FNIP1: variants seen among roughly 807,000 people sequenced by gnomAD.
FNIP1 encodes folliculin-interacting protein 1.
In FNIP1, 40 loss-of-function variants were observed where a neutral mutation model predicts 124.5. The ratio of observed to expected loss-of-function variants is 0.32; its 90% CI spans 0.25 to 0.42. FNIP1 has a LOEUF of 0.42. Among genes scored for constraint, FNIP1 ranks in the 10% least tolerant of loss-of-function variants. The probability of loss-of-function intolerance (pLI) is 1.00; values close to 1 mark genes in which losing one functional copy is unlikely to be tolerated. For missense variants in FNIP1, 1,176 were observed against 1,403.7 expected (o/e 0.84, Z 2.59); for synonymous variants, 472 against 470.6 (o/e 1.00, Z -0.04).
chr5:131,741,570 T>A (rs965171350), intron 2 of FNIP1, among the ~76,000 whole-genome samples: 2 of 152,212 alleles, frequency 1.3e-5, no homozygotes, highest in Non-Finnish European at 2.9e-5. Context: ...TGCTGTTATA[T>A]TCTTCATTGA....
At chr5:131,767,542 T>C (rs764658333) in intron 1 of FNIP1, among the ~76,000 whole-genome samples, 1 of 151,816 alleles carries the variant, frequency 6.6e-6, no homozygotes. Flanking sequence ...TTTGATCTTG[T>C]AAGCTGTGGA....
intron 1 of FNIP1, among the ~76,000 whole-genome samples, chr5:131,785,005 TGA>T (rs1772118832): frequency 3.6e-5 from 2 of 55,138 alleles, no homozygotes; most frequent in Non-Finnish European, 4.3e-5. Context: ...ATGATATATA[TGA>T]CTATATATAT....
intron 1 of FNIP1, among the ~76,000 whole-genome samples, chr5:131,770,666 G>C (rs918479689): frequency 6.6e-6 from 1 of 152,138 alleles, no homozygotes; most frequent in Admixed American, 6.5e-5. Flanking sequence ...TGTGATTGTA[G>C]AGAAGTGCCT....
chr5:131,678,006 G>A, intron 12 of FNIP1, 134 bp from the exon 13 acceptor site: 6 of 762,676 alleles, frequency 7.9e-6, no homozygotes, highest in South Asian at 4.7e-5. Flanking sequence ...AGAAGAGAGA[G>A]GAAAGGATGA....
At chr5:131,770,233 A>T (rs927166196) in intron 1 of FNIP1, among the ~76,000 whole-genome samples, 4 of 152,226 alleles carry the variant, frequency 2.6e-5, no homozygotes, top group African/African-American at 9.6e-5. Context: ...GTCAGTATGT[A>T]AACTGGCTCA....
At chr5:131,734,146 G>C (rs1770202026) in intron 2 of FNIP1, among the ~76,000 whole-genome samples, 1 of 152,160 alleles carries the variant, frequency 6.6e-6, no homozygotes, top group African/African-American at 2.4e-5. Context: ...TCTGATGGTA[G>C]TTTGTATTTC....
intron 15 of FNIP1, among the ~76,000 whole-genome samples, chr5:131,658,779 A>G (rs1226806473): frequency 6.6e-6 from 1 of 151,912 alleles, no homozygotes; most frequent in Non-Finnish European, 1.5e-5. Flanking sequence ...CGATATTTGG[A>G]ATGACTATTA....
At chr5:131,786,710 G>C (rs538906823) in intron 1 of FNIP1, among the ~76,000 whole-genome samples, 1 of 152,310 alleles carries the variant, frequency 6.6e-6, no homozygotes, top group Admixed American at 6.5e-5. Context: ...TATCTCGAGA[G>C]TGGGTTTGTT....
At chr5:131,675,751 G>A (rs1295636804) in intron 13 of FNIP1, among the ~76,000 whole-genome samples, 4 of 152,210 alleles carry the variant, frequency 2.6e-5, no homozygotes, top group Non-Finnish European at 5.9e-5. Context: ...GGAGGAGGAG[G>A]AGGAGGAAGA....
rs535472269 is a variant in FNIP1 at position 131,732,454 on chromosome 5, T to A, written c.220-1416A>T. ...CCTAGGTTTTCTTCTAGGGTTTTTATGGTTTTAGGTCTAACATTTAAGTCT... is the reference window on the plus strand; with the variant it reads ...CCTAGGTTTTCTTCTAGGGTTTTTAAGGTTTTAGGTCTAACATTTAAGTCT... On this transcript the variant is annotated intron_variant, in intron 2 of 17. Transcript: ENST00000510461. 3.6e-4 allele frequency among the ~76,000 whole-genome samples: 55 copies of A among 152,350 alleles called. 1 individual carries two copies. The highest frequency in any genetic ancestry group is 2.2e-3 in the Admixed American group (34 of 15,302).
chr5:131,710,025 C>A (rs1022242149), intron 7 of FNIP1, among the ~76,000 whole-genome samples: 1 of 152,156 alleles, frequency 6.6e-6, no homozygotes, highest in Non-Finnish European at 1.5e-5. Flanking sequence ...TACACATGAA[C>A]ATACTCTACA....
intron 8 of FNIP1, among the ~76,000 whole-genome samples, chr5:131,706,943 T>C (rs1241066380): frequency 3.3e-5 from 5 of 152,248 alleles, no homozygotes; most frequent in African/African-American, 7.2e-5. Context: ...GAACAAGCTA[T>C]TGAAAATAAG....
chr5:131,648,421 A>T (rs747988628), intron 16 of FNIP1, among the ~76,000 whole-genome samples: 2 of 152,128 alleles, frequency 1.3e-5, no homozygotes, highest in African/African-American at 2.4e-5. Context: ...TGTTTGAGGA[A>T]AAAACAGAAG....
At chr5:131,742,518 T>A (rs960953661) in intron 2 of FNIP1, among the ~76,000 whole-genome samples, 32 of 152,340 alleles carry the variant, frequency 2.1e-4, no homozygotes, top group Admixed American at 2.0e-3. Context: ...GGCTTTGGTA[T>A]ATTAAATGGT....
intron 1 of FNIP1, among the ~76,000 whole-genome samples, chr5:131,755,420 T>TAAAA (rs544194641): frequency 6.7e-5 from 8 of 118,970 alleles, no homozygotes; most frequent in African/African-American, 2.4e-4. Flanking sequence ...GACTCAATCT[T>TAAAA]AAAAAAAAAA....
At chr5:131,720,488 C>G (rs1224934606) in intron 3 of FNIP1, among the ~76,000 whole-genome samples, 1 of 152,034 alleles carries the variant, frequency 6.6e-6, no homozygotes, top group African/African-American at 2.4e-5. Context: ...CAAAAACAGA[C>G]AAGTGGGACT....
chr5:131,696,674 T>TA (rs1768704264), intron 11 of FNIP1, among the ~76,000 whole-genome samples: 1 of 152,170 alleles, frequency 6.6e-6, no homozygotes, highest in African/African-American at 2.4e-5. Flanking sequence ...AAATTAATGT[T>TA]AAAATAAAAT....
At chr5:131,708,577 G>A (rs1769190405) in intron 8 of FNIP1, among the ~76,000 whole-genome samples, 1 of 152,168 alleles carries the variant, frequency 6.6e-6, no homozygotes. Flanking sequence ...CAGGCTAAGT[G>A]TGGTGCTCTT....
Position 131,672,665 on chromosome 5 carries a change from G to C in FNIP1, c.1779C>G (p.Ser593Arg), listed in dbSNP as rs769424418. Residue 593 changes from serine to arginine, a missense_variant, in exon 14 of 18, where the codon AGC becomes AGG. By Grantham distance (110) the Ser-to-Arg change is moderately radical (BLOSUM62 -1). Coordinates refer to ENST00000510461, the MANE Select transcript of FNIP1 (RefSeq NM_133372.3). ...YVLVTMHRNK[S>R]SLLFKESEEI... Reference sequence around the variant, plus strand: ...CTTCTGACTCTTTAAAGAGCAAACTGCTTTTGTTTCTATGCATTGTGACAA... The same window carrying C: ...CTTCTGACTCTTTAAAGAGCAAACTCCTTTTGTTTCTATGCATTGTGACAA... 2.0e-5 allele frequency: 32 copies of C among 1,614,158 alleles called. No homozygotes were observed. In the South Asian group the frequency reaches 3.1e-4, roughly 16 times the overall value.
Sources: gnomAD v4.1 joint callset for allele counts (sites outside exome capture counted in the v4.1 genomes callset) on GRCh38, gnomAD v4.1.1 for gene constraint, MANE v1.5 for transcripts, NCBI Gene and HGNC (gene_info 2026-07-23, HGNC 2026-07-21) for gene names.